The following AFG2A variants were observed in gnomAD, a reference collection of about 807,000 sequenced individuals.
AFG2A encodes the protein ATPase family gene 2 protein homolog A.
the AFG2A span, among the ~76,000 whole-genome samples, chr4:122,998,527 A>G: frequency 9.3e-3 from 1,393 of 150,594 alleles, 33 homozygotes; most frequent in African/African-American, 0.032. Context: ...TGTTCTCATT[A>G]TTCAATTCCC....
the AFG2A span, among the ~76,000 whole-genome samples, chr4:123,051,752 A>T: frequency 6.7e-6 from 1 of 148,232 alleles, no homozygotes; most frequent in Non-Finnish European, 1.5e-5. Flanking sequence ...TTCTTTCAGC[A>T]TTCTGAATAA....
the AFG2A span, among the ~76,000 whole-genome samples, chr4:123,251,076 G>A: frequency 6.6e-6 from 1 of 152,132 alleles, no homozygotes; most frequent in Admixed American, 6.6e-5. Context: ...TGCACTGCCT[G>A]AGGATAGCTA....
the AFG2A span, among the ~76,000 whole-genome samples, chr4:122,995,533 T>A: frequency 4.6e-5 from 7 of 152,320 alleles, no homozygotes; most frequent in African/African-American, 1.7e-4. Context: ...GTTAACTCTT[T>A]CATTTCACTT....
chr4:123,264,720 G>T, the AFG2A span, among the ~76,000 whole-genome samples: 2 of 152,214 alleles, frequency 1.3e-5, no homozygotes, highest in South Asian at 4.2e-4. Flanking sequence ...TTTGGTAAAA[G>T]CCAAGACCCA....
chr4:122,995,835 A>G, the AFG2A span, among the ~76,000 whole-genome samples: 1 of 152,200 alleles, frequency 6.6e-6, no homozygotes, highest in Non-Finnish European at 1.5e-5. Context: ...AGTGTTTGCT[A>G]CAGTTACATA....
At chr4:122,984,556 T>G in the AFG2A span, among the ~76,000 whole-genome samples, 8 of 152,176 alleles carry the variant, frequency 5.3e-5, no homozygotes, top group Non-Finnish European at 8.8e-5. Flanking sequence ...TTTCAACTTT[T>G]CCCCCATTCA....
the AFG2A span, among the ~76,000 whole-genome samples, chr4:122,930,242 C>T: frequency 7.9e-5 from 12 of 152,176 alleles, no homozygotes; most frequent in African/African-American, 2.9e-4. Context: ...GGTATATCAT[C>T]CATCCTCCTG....
chr4:123,053,709 G>C, the AFG2A span, among the ~76,000 whole-genome samples: 1 of 152,128 alleles, frequency 6.6e-6, no homozygotes, highest in Non-Finnish European at 1.5e-5. Flanking sequence ...TGCAGCAGGA[G>C]GGGCTGGAGC....
chr4:123,172,130 T>G, the AFG2A span, among the ~76,000 whole-genome samples: 5 of 152,168 alleles, frequency 3.3e-5, no homozygotes, highest in African/African-American at 7.2e-5. Context: ...TTAATACTTC[T>G]TGGAATATTT....
At chr4:122,963,919 A>T in the AFG2A span, among the ~76,000 whole-genome samples, 2 of 152,166 alleles carry the variant, frequency 1.3e-5, no homozygotes, top group Non-Finnish European at 2.9e-5. Context: ...AACCAAATCT[A>T]ACTATATTTC....
chr4:123,311,520 A>T, the AFG2A span, among the ~76,000 whole-genome samples: 3 of 150,942 alleles, frequency 2.0e-5, no homozygotes. Flanking sequence ...CCAGCTACTC[A>T]GGAGGCTTAG....
chr4:123,104,420 T>C, the AFG2A span, among the ~76,000 whole-genome samples: 1 of 152,134 alleles, frequency 6.6e-6, no homozygotes, highest in African/African-American at 2.4e-5. Context: ...GACACAACAG[T>C]ACTGAAATTA....
chr4:123,070,740 C>T, the AFG2A span, among the ~76,000 whole-genome samples: 1 of 152,140 alleles, frequency 6.6e-6, no homozygotes, highest in Non-Finnish European at 1.5e-5. Context: ...CAAGTATGAT[C>T]CTTCGCATGT....
At chr4:123,173,016 T>C in the AFG2A span, among the ~76,000 whole-genome samples, 6 of 152,146 alleles carry the variant, frequency 3.9e-5, no homozygotes, top group African/African-American at 1.4e-4. Flanking sequence ...AAAACTTAAA[T>C]AGGTTAATAA....
the AFG2A span, among the ~76,000 whole-genome samples, chr4:122,951,784 C>T: frequency 1.8e-4 from 27 of 152,256 alleles, no homozygotes; most frequent in East Asian, 2.1e-3. Context: ...AGGATTGCCT[C>T]GTGACAAGCT....
the AFG2A span, among the ~76,000 whole-genome samples, chr4:123,119,606 G>A: frequency 6.6e-6 from 1 of 152,128 alleles, no homozygotes; most frequent in African/African-American, 2.4e-5. Flanking sequence ...ATTATAACAT[G>A]TCTTGCCAAA....
chr4:123,239,888 T>C, the AFG2A span, among the ~76,000 whole-genome samples: 1 of 152,124 alleles, frequency 6.6e-6, no homozygotes, highest in Non-Finnish European at 1.5e-5. Context: ...GACTGGCAAA[T>C]TGGATAGAGT....
the AFG2A span, among the ~76,000 whole-genome samples, chr4:123,123,117 G>A: frequency 6.6e-6 from 1 of 152,032 alleles, no homozygotes; most frequent in Non-Finnish European, 1.5e-5. Context: ...TATAACTACT[G>A]CTATAAAAAT....
chr4:122,928,616 A>G, the AFG2A span, among the ~76,000 whole-genome samples: 36 of 152,312 alleles, frequency 2.4e-4, no homozygotes, highest in South Asian at 7.5e-3. Flanking sequence ...GGTTCTGACA[A>G]AGCTCTTGTT....
Sources: gnomAD v4.1 joint callset for allele counts (sites outside exome capture counted in the v4.1 genomes callset) on GRCh38, gnomAD v4.1.1 for gene constraint, MANE v1.5 for transcripts, NCBI Gene and HGNC (gene_info 2026-07-23, HGNC 2026-07-21) for gene names.